Variants in ZBTB7C observed in about 807,000 individuals in gnomAD.
ZBTB7C encodes the protein zinc finger and BTB domain containing 7C, also known as zinc finger and BTB domain-containing protein 7C.
A neutral mutation model predicts 25.7 loss-of-function variants in ZBTB7C; 8 were observed. The observed-to-expected ratio is 0.31, with a 90% CI of 0.18 to 0.56. The LOEUF (loss-of-function observed/expected upper bound fraction) is 0.56, where lower values mean the gene tolerates loss of function less well. Among genes scored for constraint, ZBTB7C ranks in the 20% least tolerant of loss-of-function variants. The pLI, the probability that ZBTB7C is intolerant of heterozygous loss-of-function variation, is 0.91. For missense variants in ZBTB7C, 824 were observed against 855.2 expected (o/e 0.96, Z 0.46); for synonymous variants, 394 against 369.0 (o/e 1.07, Z -0.78).
intron 2 of ZBTB7C, among the ~76,000 whole-genome samples, chr18:48,276,363 A>G (rs1264335455): frequency 6.6e-6 from 1 of 150,378 alleles, no homozygotes; most frequent in Non-Finnish European, 1.5e-5. Context: ...GGTTAGATAC[A>G]TATGTATACA....
At chr18:48,292,886 T>C (rs2045274571) in intron 2 of ZBTB7C, among the ~76,000 whole-genome samples, 1 of 152,176 alleles carries the variant, frequency 6.6e-6, no homozygotes, top group South Asian at 2.1e-4. Context: ...TCTACTACTA[T>C]TACTGCTGCT....
In ZBTB7C at chr18:48,137,174, T is replaced by G. The variant is rs1034377007; in HGVS notation, c.-17+48760A>C. ...GAGTTAAGCCATTCCAGGAGTGGTT[T>G]TGAGAGAGCACTCCCTCCCCACCCT... On this transcript the variant is annotated intron_variant, in intron 3 of 4. Coordinates refer to ENST00000590800, the MANE Select transcript of ZBTB7C (RefSeq NM_001318841.2). 12 of 985,378 alleles carry G rather than the reference T, an allele frequency of 1.2e-5. No homozygotes were observed. In the African/African-American group the frequency reaches 2.1e-4, roughly 17 times the overall value. The allele number at this position is 985,378 out of a possible 1,614,324, so 61.0% of individuals were successfully genotyped here.
intron 2 of ZBTB7C, among the ~76,000 whole-genome samples, chr18:48,238,148 G>T (rs1377406971): frequency 6.6e-6 from 1 of 152,142 alleles, no homozygotes; most frequent in African/African-American, 2.4e-5. Flanking sequence ...AGTTTCCAGC[G>T]ATTCTGATAA....
At chr18:48,294,843 G>C (rs1315718645) in intron 2 of ZBTB7C, among the ~76,000 whole-genome samples, 1 of 152,168 alleles carries the variant, frequency 6.6e-6, no homozygotes, top group African/African-American at 2.4e-5. Flanking sequence ...ATTTTAATCT[G>C]TACCTTCCCT....
At chr18:48,308,864 A>T (rs1054102179) in intron 2 of ZBTB7C, among the ~76,000 whole-genome samples, 22 of 152,246 alleles carry the variant, frequency 1.4e-4, no homozygotes, top group African/African-American at 5.3e-4. Flanking sequence ...GGTGCAACTC[A>T]GTAAGCTGTG....
In ZBTB7C at chr18:48,029,310, C is replaced by CAGGGAGGCCGGCCAGGCCGGCGGCCCA; in HGVS notation, c.1783_1809dup (p.Trp595_Pro603dup). ...GCCACGTGGTTGAGGCCGGCGAGCC[C>CAGGGAGGCCGGCCAGGCCGGCGGCCCA]AGGGAGGCCGGCCAGGCCGGCGGCC... On this transcript the variant is annotated inframe_insertion, in exon 5 of 5. Transcript: ENST00000590800. 1 of 1,537,314 alleles carries CAGGGAGGCCGGCCAGGCCGGCGGCCCA rather than the reference C, an allele frequency of 6.5e-7. No individual in the cohort carries two copies. The highest frequency in any genetic ancestry group is 8.7e-7 in the Non-Finnish European group (1 of 1,147,740).
chr18:48,167,603 C>T (rs61337224), intron 3 of ZBTB7C, among the ~76,000 whole-genome samples: 12,689 of 65,620 alleles, frequency 0.19, 727 homozygotes, highest in Admixed American at 0.37. Flanking sequence ...TGTGTGCGCG[C>T]GTGCACACGC....
intron 3 of ZBTB7C, among the ~76,000 whole-genome samples, chr18:48,179,748 TCCTC>T (rs2041826153): frequency 1.4e-5 from 2 of 138,940 alleles, no homozygotes; most frequent in African/African-American, 2.7e-5. Flanking sequence ...CTCCCTTCCT[TCCTC>T]CCTTCACTGC....
intron 2 of ZBTB7C, among the ~76,000 whole-genome samples, chr18:48,241,506 C>T (rs2043524035): frequency 6.6e-6 from 1 of 152,132 alleles, no homozygotes; most frequent in Non-Finnish European, 1.5e-5. Context: ...ATCAAGTACT[C>T]TCTCAGACCA....
At chr18:48,258,248 A>G (rs1212178302) in intron 2 of ZBTB7C, among the ~76,000 whole-genome samples, 1 of 152,238 alleles carries the variant, frequency 6.6e-6, no homozygotes, top group Non-Finnish European at 1.5e-5. Context: ...TCAGAAAAGA[A>G]GTAAAAAGCA....
chr18:48,371,125 G>C (rs2047378924), intron 1 of ZBTB7C, among the ~76,000 whole-genome samples: 1 of 152,134 alleles, frequency 6.6e-6, no homozygotes, highest in Non-Finnish European at 1.5e-5. Context: ...ATCTCTCAAA[G>C]GGGTTCATTT....
intron 2 of ZBTB7C, among the ~76,000 whole-genome samples, chr18:48,204,484 A>C (rs914697387): frequency 6.6e-6 from 1 of 152,154 alleles, no homozygotes; most frequent in Admixed American, 6.5e-5. Context: ...CCATGCAGGA[A>C]GGGAAGGTAC....
intron 3 of ZBTB7C, chr18:48,149,502 T>A (rs533893866): frequency 6.6e-6 from 1 of 152,280 alleles, no homozygotes; most frequent in Admixed American, 6.5e-5. Flanking sequence ...CATCTAGCAA[T>A]GTGGGCCAAG....
At chr18:48,353,993 A>T (rs2046921235) in intron 1 of ZBTB7C, among the ~76,000 whole-genome samples, 1 of 152,118 alleles carries the variant, frequency 6.6e-6, no homozygotes, top group Admixed American at 6.5e-5. Flanking sequence ...TATTTTCCTT[A>T]CTTCAATGAA....
intron 3 of ZBTB7C, chr18:48,072,708 G>A (rs1307256788): frequency 6.6e-6 from 1 of 152,274 alleles, no homozygotes; most frequent in East Asian, 1.9e-4. Context: ...AGGATGGGAT[G>A]CTTTTCCCAT....
intron 3 of ZBTB7C, among the ~76,000 whole-genome samples, chr18:48,161,426 A>G (rs990985320): frequency 3.3e-5 from 5 of 151,882 alleles, no homozygotes; most frequent in African/African-American, 1.2e-4. Flanking sequence ...TGTAAAACCA[A>G]CGGGGCGGAT....
intron 3 of ZBTB7C, among the ~76,000 whole-genome samples, chr18:48,083,387 A>G (rs2038064892): frequency 1.3e-5 from 2 of 152,136 alleles, no homozygotes; most frequent in Middle Eastern, 3.4e-3. Flanking sequence ...CCTCCACAGT[A>G]TTCCTTCATC....
chr18:48,320,781 C>T (rs1391164759), intron 2 of ZBTB7C, among the ~76,000 whole-genome samples: 6 of 152,204 alleles, frequency 3.9e-5, no homozygotes, highest in Admixed American at 2.0e-4. Context: ...TCTCAGACCC[C>T]GGCTCAGGCG....
intron 3 of ZBTB7C, among the ~76,000 whole-genome samples, chr18:48,081,828 G>A (rs951311343): frequency 1.3e-5 from 2 of 152,046 alleles, no homozygotes; most frequent in Non-Finnish European, 2.9e-5. Context: ...ACTGAGATGA[G>A]CTGCAAGTGG....
Sources: gnomAD v4.1 joint callset for allele counts (sites outside exome capture counted in the v4.1 genomes callset) on GRCh38, gnomAD v4.1.1 for gene constraint, MANE v1.5 for transcripts, NCBI Gene and HGNC (gene_info 2026-07-23, HGNC 2026-07-21) for gene names.